Variants in DIPK1A observed in about 807,000 individuals in gnomAD.
DIPK1A encodes family with sequence similarity 69 member A.
In DIPK1A, 27 loss-of-function variants were observed where a neutral mutation model predicts 40.8. The ratio of observed to expected loss-of-function variants is 0.66; its 90% CI spans 0.49 to 0.91. The LOEUF is 0.91. DIPK1A is among the 40% of genes least tolerant of loss of function. DIPK1A has a pLI of 0.00. For missense variants in DIPK1A, 412 were observed against 505.7 expected, an observed-to-expected ratio of 0.81 and a Z score of 1.78; for synonymous variants, 166 against 171.3, an observed-to-expected ratio of 0.97 and a Z score of 0.24.
intron 1 of DIPK1A, among the ~76,000 whole-genome samples, chr1:92,925,585 C>T (rs1018215730): frequency 2.6e-5 from 4 of 152,034 alleles, no homozygotes; most frequent in Admixed American, 6.6e-5. Context: ...CCTCCACCTC[C>T]CAGATTGAAG....
chr1:92,875,578 G>A (rs1011980803), intron 2 of DIPK1A, among the ~76,000 whole-genome samples: 4 of 151,908 alleles, frequency 2.6e-5, no homozygotes, highest in Non-Finnish European at 4.4e-5. Flanking sequence ...TTAGCCAGGC[G>A]TGGTAGTGCG....
intron 2 of DIPK1A, among the ~76,000 whole-genome samples, chr1:92,858,782 G>T (rs944003158): frequency 2.6e-5 from 4 of 152,184 alleles, no homozygotes; most frequent in African/African-American, 9.6e-5. Context: ...CCACATGCTT[G>T]TATAGAAAGG....
chr1:92,906,020 T>C (rs1268309344), intron 1 of DIPK1A, among the ~76,000 whole-genome samples: 3 of 152,142 alleles, frequency 2.0e-5, no homozygotes, highest in Non-Finnish European at 4.4e-5. Context: ...GTTTTGGTTA[T>C]AATAGCTCTG....
At chr1:92,959,902 A>ATTTTTTTTTTTTTTTTTTTT (rs1557502636) in intron 1 of DIPK1A, among the ~76,000 whole-genome samples, 568 of 43,072 alleles carry the variant, frequency 0.013, 63 homozygotes, top group Non-Finnish European at 0.015. Context: ...CACCCAACCA[A>ATTTTTTTTTTTTTTTTTTTT]CTTTTTTTTT....
chr1:92,929,181 A>G (rs1439286242), intron 1 of DIPK1A, among the ~76,000 whole-genome samples: 1 of 152,178 alleles, frequency 6.6e-6, no homozygotes, highest in Non-Finnish European at 1.5e-5. Context: ...GTTTCTTCAC[A>G]TGTGTAGTGA....
In DIPK1A at chr1:92,961,406, C is replaced by T; in HGVS notation, c.24G>A (p.Gly8=). 1 of 1,530,872 alleles carries T rather than the reference C, an allele frequency of 6.5e-7. No individual in the cohort carries two copies. The highest frequency in any genetic ancestry group is 8.8e-7 in the Non-Finnish European group (1 of 1,137,070). 94.8% of individuals were successfully genotyped at this position (1,530,872 alleles called of 1,614,324 possible). A position where few individuals can be genotyped will look rare whatever the true frequency, so the allele number is the denominator to read the frequency against. MARSLCP[G]AWLRKPYYLQ... is the part of the protein sequence containing the mutation. The stretch of plus-strand genomic sequence containing the variant: ...GGTAATAGGGTTTCCTTAGCCAGGC[C>T]CCCGGACAGAGACTCCTCGCCATGG... The change falls in exon 1 of 5, where the codon GGG becomes GGA. Residue 8 remains glycine, a synonymous_variant. Coordinates refer to ENST00000370310, the MANE Select transcript of DIPK1A (RefSeq NM_001006605.5).
intron 1 of DIPK1A, among the ~76,000 whole-genome samples, chr1:92,885,218 T>C (rs1337842823): frequency 6.6e-6 from 1 of 152,180 alleles, no homozygotes; most frequent in Non-Finnish European, 1.5e-5. Context: ...TCAGGGAATG[T>C]GGTCCCAAAG....
chr1:92,861,318 T>TCC (rs1647261529), intron 2 of DIPK1A, among the ~76,000 whole-genome samples: 1 of 101,944 alleles, frequency 9.8e-6, no homozygotes, highest in Non-Finnish European at 2.1e-5. Context: ...ATTCTCTCTC[T>TCC]CTCTTTTTTT....
At chr1:92,918,531 T>G (rs1446001754) in intron 1 of DIPK1A, among the ~76,000 whole-genome samples, 1 of 152,236 alleles carries the variant, frequency 6.6e-6, no homozygotes, top group African/African-American at 2.4e-5. Flanking sequence ...GCATTTTCCA[T>G]GCTCAGTTAG....
At chr1:92,857,210 A>G (rs142738694) in intron 2 of DIPK1A, among the ~76,000 whole-genome samples, 55 of 152,344 alleles carry the variant, frequency 3.6e-4, no homozygotes, top group African/African-American at 1.3e-3. Context: ...GCAGGATAAG[A>G]GAGCTTCAAC....
At chr1:92,926,758 G>C (rs1650529393) in intron 1 of DIPK1A, among the ~76,000 whole-genome samples, 1 of 152,150 alleles carries the variant, frequency 6.6e-6, no homozygotes, top group Non-Finnish European at 1.5e-5. Context: ...AAATGTCCCT[G>C]TTTATCTCTG....
rs146097416 is a variant in DIPK1A, at chr1:92,905,495, T to C, written c.55-29065A>G. On this transcript the variant is annotated intron_variant, in intron 1 of 4. Coordinates refer to ENST00000370310, the MANE Select transcript of DIPK1A (RefSeq NM_001006605.5). ...TCAGATTATTAGATTTTTTCCCTAT[T>C]AAGTTCCTTATATATCCTGGTTATT... 4.5e-3 allele frequency among the ~76,000 whole-genome samples: 688 copies of C among 152,298 alleles called. 4 individuals are homozygous for C. The highest frequency in any genetic ancestry group is 0.016 in the African/African-American group (655 of 41,588).
chr1:92,843,210 C>T lies in DIPK1A; in HGVS notation c.*173G>A. The T allele has an allele frequency of 7.2e-7, 1 of 1,383,862 alleles. No individual in the cohort carries two copies. 85.7% of individuals were successfully genotyped at this position (1,383,862 alleles called of 1,614,324 possible). On this transcript the variant is annotated 3_prime_UTR_variant, in exon 5 of 5. Transcript: ENST00000370310. ...AGGGCAGGAATGACATCTTGGGGAC[C>T]TGTTGATCCTACACCTGCCATTACT...
chr1:92,893,748 C>T (rs951422844), intron 1 of DIPK1A, among the ~76,000 whole-genome samples: 15 of 151,982 alleles, frequency 9.9e-5, no homozygotes, highest in African/African-American at 3.6e-4. Flanking sequence ...GTGCTGTATT[C>T]AGGAAACCCA....
intron 1 of DIPK1A, among the ~76,000 whole-genome samples, chr1:92,886,934 A>G (rs10874747): frequency 0.59 from 90,007 of 151,616 alleles, 27,857 homozygotes; most frequent in East Asian, 0.94. Flanking sequence ...AACAGAGACA[A>G]TATGGCCAAC....
At chr1:92,925,486 GTTTTT>G (rs948284466) in intron 1 of DIPK1A, among the ~76,000 whole-genome samples, 8 of 151,718 alleles carry the variant, frequency 5.3e-5, no homozygotes, top group African/African-American at 1.5e-4. Context: ...GTTTTTTGGG[GTTTTT>G]TTGTTTTTTT....
At chr1:92,832,831 C>G (rs923725162) in exon 5 of DIPK1A, 2 of 598,228 alleles carry the variant, frequency 3.3e-6, no homozygotes, top group Non-Finnish European at 6.0e-6. Context: ...GCTGAATGTG[C>G]TCTTGCCCAG....
At chr1:92,947,725 A>G (rs892467549) in intron 1 of DIPK1A, among the ~76,000 whole-genome samples, 4 of 152,234 alleles carry the variant, frequency 2.6e-5, no homozygotes, top group Non-Finnish European at 5.9e-5. Context: ...CACAGAAAAC[A>G]ATGAAATCTT....
At chr1:92,942,385 G>A (rs1651187296) in intron 1 of DIPK1A, among the ~76,000 whole-genome samples, 1 of 152,116 alleles carries the variant, frequency 6.6e-6, no homozygotes, top group African/African-American at 2.4e-5. Context: ...ATCTTTTATA[G>A]GACAAAAGCA....
Sources: gnomAD v4.1 joint callset for allele counts (sites outside exome capture counted in the v4.1 genomes callset) on GRCh38, gnomAD v4.1.1 for gene constraint, MANE v1.5 for transcripts, NCBI Gene and HGNC (gene_info 2026-07-23, HGNC 2026-07-21) for gene names.